KLHL1: variants seen among roughly 807,000 people sequenced by gnomAD.
The protein encoded by KLHL1 is kelch-like protein 1.
A neutral mutation model predicts 77.7 loss-of-function variants in KLHL1; 47 were observed. That is an observed-to-expected ratio of 0.60 (90% CI 0.48 to 0.77). KLHL1 has a LOEUF of 0.77. KLHL1 is among the 30% of genes least tolerant of loss of function. KLHL1 has a pLI of 0.00. For missense variants in KLHL1, 925 were observed against 910.8 expected, an observed-to-expected ratio of 1.02 and a Z score of -0.20; for synonymous variants, 360 against 325.2, an observed-to-expected ratio of 1.11 and a Z score of -1.15.
chr13:69,962,086 A>C (rs975401715), intron 2 of KLHL1, among the ~76,000 whole-genome samples: 2 of 151,856 alleles, frequency 1.3e-5, no homozygotes, highest in Non-Finnish European at 2.9e-5. Context: ...TTTTCATATA[A>C]ATTCATTCCA....
chr13:69,793,269 T>C (rs1161477579), intron 7 of KLHL1, among the ~76,000 whole-genome samples: 2 of 152,066 alleles, frequency 1.3e-5, no homozygotes, highest in African/African-American at 2.4e-5. Context: ...CTTAAAGACT[T>C]AAGTGATAAA....
chr13:69,855,518 G>A (rs1879875430), intron 5 of KLHL1, among the ~76,000 whole-genome samples: 1 of 125,860 alleles, frequency 7.9e-6, no homozygotes, highest in Non-Finnish European at 1.7e-5. Flanking sequence ...CATATCAAGG[G>A]AGAGGAAAGA....
chr13:70,048,729 G>A (rs1458478590), intron 1 of KLHL1, among the ~76,000 whole-genome samples: 1 of 152,208 alleles, frequency 6.6e-6, no homozygotes, highest in Non-Finnish European at 1.5e-5. Context: ...AGTTCAGGCA[G>A]TGATGCCAGC....
intron 7 of KLHL1, among the ~76,000 whole-genome samples, chr13:69,764,027 T>A (rs1328037768): frequency 6.6e-6 from 1 of 152,172 alleles, no homozygotes; most frequent in Non-Finnish European, 1.5e-5. Context: ...CCACTTTCTA[T>A]CATAACAGAA....
chr13:69,956,450 A>T (rs1262207794), intron 3 of KLHL1, among the ~76,000 whole-genome samples: 3 of 151,380 alleles, frequency 2.0e-5, no homozygotes, highest in Non-Finnish European at 4.4e-5. Flanking sequence ...CCAGCATTAG[A>T]TGGGGAGAAA....
At chr13:69,745,811 G>T (rs184053729) in intron 7 of KLHL1, among the ~76,000 whole-genome samples, 1 of 151,630 alleles carries the variant, frequency 6.6e-6, no homozygotes, top group East Asian at 1.9e-4. Flanking sequence ...TATCCTTTTG[G>T]TATTTCATAT....
chr13:69,990,542 T>G (rs1444906970), intron 1 of KLHL1, among the ~76,000 whole-genome samples: 1 of 151,852 alleles, frequency 6.6e-6, no homozygotes, highest in Non-Finnish European at 1.5e-5. Flanking sequence ...CACAAAAGAC[T>G]TTAAACCAAC....
At chr13:69,851,762 T>C (rs1002609749) in intron 5 of KLHL1, among the ~76,000 whole-genome samples, 1 of 151,734 alleles carries the variant, frequency 6.6e-6, no homozygotes, top group Non-Finnish European at 1.5e-5. Flanking sequence ...AAGTTATCAT[T>C]TACAGTAAGT....
chr13:69,731,946 C>T (rs1413011133), intron 8 of KLHL1, among the ~76,000 whole-genome samples: 1 of 151,554 alleles, frequency 6.6e-6, no homozygotes, highest in South Asian at 2.1e-4. Context: ...TATTTTTTGA[C>T]CTAAAAACAT....
chr13:69,979,793 T>C (rs767604121), intron 1 of KLHL1, among the ~76,000 whole-genome samples: 4 of 152,184 alleles, frequency 2.6e-5, no homozygotes, highest in Non-Finnish European at 5.9e-5. Context: ...CATGTTTAAG[T>C]CTTCTCCAAC....
intron 1 of KLHL1, among the ~76,000 whole-genome samples, chr13:70,019,598 G>A (rs1233089388): frequency 6.6e-6 from 1 of 152,044 alleles, no homozygotes; most frequent in Non-Finnish European, 1.5e-5. Context: ...TAATCTTCAC[G>A]ACCATTTTAA....
At chr13:69,796,689 T>G (rs767288132) in intron 7 of KLHL1, 49 bp downstream of exon 7, 8 of 1,286,980 alleles carry the variant, frequency 6.2e-6, no homozygotes, top group Non-Finnish European at 8.9e-6. Flanking sequence ...TATAGTTACA[T>G]TATCAATAAC....
At chr13:69,806,357 T>G (rs1877615735) in intron 6 of KLHL1, among the ~76,000 whole-genome samples, 1 of 152,092 alleles carries the variant, frequency 6.6e-6, no homozygotes, top group South Asian at 2.1e-4. Context: ...TAATAAAACC[T>G]TAAGAGAACT....
intron 5 of KLHL1, among the ~76,000 whole-genome samples, chr13:69,856,334 CTCT>C (rs1289198810): frequency 1.3e-5 from 2 of 152,044 alleles, no homozygotes; most frequent in East Asian, 3.9e-4. Flanking sequence ...TCACTTGGTC[CTCT>C]TCATGTCACA....
At chr13:69,775,961 G>C (rs1337583846) in intron 7 of KLHL1, among the ~76,000 whole-genome samples, 1 of 151,590 alleles carries the variant, frequency 6.6e-6, no homozygotes, top group Non-Finnish European at 1.5e-5. Context: ...GAACATCCTG[G>C]CTAACATGGT....
intron 3 of KLHL1, among the ~76,000 whole-genome samples, chr13:69,957,490 G>A (rs759157375): frequency 1.3e-5 from 2 of 151,590 alleles, no homozygotes; most frequent in East Asian, 1.9e-4. Context: ...GATTTACAAC[G>A]AGGATAGCAC....
At chr13:69,767,577 T>C (rs1345171894) in intron 7 of KLHL1, among the ~76,000 whole-genome samples, 1 of 152,146 alleles carries the variant, frequency 6.6e-6, no homozygotes, top group African/African-American at 2.4e-5. Flanking sequence ...TCTATACTAA[T>C]ATAATCACTA....
At chr13:70,005,600 G>A (rs992532813) in intron 1 of KLHL1, among the ~76,000 whole-genome samples, 1 of 151,424 alleles carries the variant, frequency 6.6e-6, no homozygotes, top group Non-Finnish European at 1.5e-5. Context: ...TTAGATATAT[G>A]TTAATGTATC....
At chr13:69,977,965 T>C (rs1884596179) in intron 1 of KLHL1, among the ~76,000 whole-genome samples, 1 of 152,208 alleles carries the variant, frequency 6.6e-6, no homozygotes, top group African/African-American at 2.4e-5. Flanking sequence ...TATATTTATC[T>C]ACACAATATG....
Sources: gnomAD v4.1 joint callset for allele counts (sites outside exome capture counted in the v4.1 genomes callset) on GRCh38, gnomAD v4.1.1 for gene constraint, MANE v1.5 for transcripts, NCBI Gene and HGNC (gene_info 2026-07-23, HGNC 2026-07-21) for gene names.